RGS6: variants seen among roughly 807,000 people sequenced by gnomAD.
RGS6 encodes the protein regulator of G protein signaling 6.
RGS6 carries 30 observed loss-of-function variants against 78.5 expected under a neutral mutation model. The ratio of observed to expected loss-of-function variants is 0.38; its 90% CI spans 0.29 to 0.52. RGS6 has a LOEUF of 0.52. Among genes scored for constraint, RGS6 ranks in the 20% least tolerant of loss-of-function variants. The probability of loss-of-function intolerance (pLI) is 0.85; values close to 1 mark genes in which losing one functional copy is unlikely to be tolerated. For missense variants in RGS6, 495 were observed against 609.7 expected (o/e 0.81, Z 1.98); for synonymous variants, 206 against 206.0 (o/e 1.00, Z 0.00).
intron 3 of RGS6, among the ~76,000 whole-genome samples, chr14:72,388,841 T>C (rs1015946380): frequency 1.3e-5 from 2 of 152,204 alleles, no homozygotes; most frequent in Non-Finnish European, 2.9e-5. Flanking sequence ...CTATTCATAA[T>C]AGTATCTACT....
chr14:72,318,667 A>G (rs543117190), intron 2 of RGS6, among the ~76,000 whole-genome samples: 1 of 152,292 alleles, frequency 6.6e-6, no homozygotes, highest in South Asian at 2.1e-4. Flanking sequence ...CAAAGCAAGC[A>G]AAAAACACGT....
intron 12 of RGS6, among the ~76,000 whole-genome samples, chr14:72,482,291 A>C (rs2096397515): frequency 6.6e-6 from 1 of 152,096 alleles, no homozygotes; most frequent in Admixed American, 6.6e-5. Flanking sequence ...CCCCTTCCCT[A>C]AATGGCCCCA....
chr14:71,928,384 G>A (rs1426593949), upstream of RGS6, among the ~76,000 whole-genome samples: 5 of 152,194 alleles, frequency 3.3e-5, no homozygotes, highest in African/African-American at 4.8e-5. Flanking sequence ...ACATTTAAGA[G>A]TGAAAATAAG....
chr14:72,352,306 T>G (rs1358315652), intron 3 of RGS6, 112 bp downstream of exon 3: 3 of 686,448 alleles, frequency 4.4e-6, no homozygotes, highest in African/African-American at 3.7e-5. Flanking sequence ...AAATGAAACA[T>G]TCAGTGTGTT....
At chr14:72,486,553 A>T (rs1228865110) in intron 12 of RGS6, among the ~76,000 whole-genome samples, 1 of 152,178 alleles carries the variant, frequency 6.6e-6, no homozygotes, top group African/African-American at 2.4e-5. Flanking sequence ...TGCTTCACTC[A>T]GATTCCCAAG....
intron 3 of RGS6, among the ~76,000 whole-genome samples, chr14:72,389,720 G>A (rs1385340661): frequency 6.6e-6 from 1 of 152,130 alleles, no homozygotes; most frequent in Admixed American, 6.5e-5. Flanking sequence ...TTGTTTTCTA[G>A]TCATTTAGAC....
chr14:72,287,844 T>C (rs2062863480), intron 2 of RGS6, among the ~76,000 whole-genome samples: 1 of 152,246 alleles, frequency 6.6e-6, no homozygotes, highest in South Asian at 2.1e-4. Flanking sequence ...TCTGCATCTA[T>C]TGAGATGATT....
the RGS6 span, among the ~76,000 whole-genome samples, chr14:71,907,654 T>A: frequency 1.3e-5 from 2 of 151,976 alleles, no homozygotes; most frequent in Non-Finnish European, 2.9e-5. Context: ...GGGGAGATTG[T>A]TCTTAGTTAC....
At position 71,965,506 on chromosome 14, in the gene RGS6, G is replaced by A. The variant is rs144390065; in HGVS notation, c.84+631G>A. ...ACATACCAGGTGATGAGATGTTTCA[G>A]CAAGGGCACAGAGCTGAGGAAAGTA... On this transcript the variant is annotated intron_variant, in intron 2 of 17. Transcript: ENST00000553525. 6.9e-3 allele frequency among the ~76,000 whole-genome samples: 1,047 copies of A among 152,322 alleles called. 8 individuals carry two copies. Among genetic ancestry groups the A allele is most frequent in the African/African-American group, 0.024 (989 of 41,568 alleles).
chr14:72,285,959 A>T (rs961005867), intron 2 of RGS6, among the ~76,000 whole-genome samples: 1 of 152,160 alleles, frequency 6.6e-6, no homozygotes, highest in African/African-American at 2.4e-5. Flanking sequence ...CCCATTTCAT[A>T]GGCTGCCTTT....
At chr14:72,294,133 C>T (rs2064209189) in intron 2 of RGS6, among the ~76,000 whole-genome samples, 1 of 152,250 alleles carries the variant, frequency 6.6e-6, no homozygotes, top group African/African-American at 2.4e-5. Flanking sequence ...CATTTGTTCA[C>T]AGGCTGTCTC....
chr14:72,323,309 A>G (rs2072631396), intron 2 of RGS6, among the ~76,000 whole-genome samples: 1 of 152,138 alleles, frequency 6.6e-6, no homozygotes, highest in Non-Finnish European at 1.5e-5. Flanking sequence ...ATGTGCCCAA[A>G]TTACACAAAT....
At position 72,562,615 on chromosome 14, in the gene RGS6, G is replaced by A; in HGVS notation, c.*148G>A. ...GGGCAATGAAGGGCGATGGTGGGGA[G>A]ACTCGGTGGGTGAATGGGGAGACCA... is the stretch of plus-strand genomic sequence containing the variant. On this transcript the variant is annotated 3_prime_UTR_variant, in exon 18 of 18. Transcript: ENST00000553525. 6.5e-7 allele frequency: 1 copy of A among 1,533,036 alleles called. No homozygotes were observed. The highest frequency in any genetic ancestry group is 8.7e-7 in the Non-Finnish European group (1 of 1,144,964). 95.0% of individuals were successfully genotyped at this position (1,533,036 alleles called of 1,614,324 possible).
chr14:72,561,883 G>A (rs151138872), intron 17 of RGS6, among the ~76,000 whole-genome samples: 8 of 152,278 alleles, frequency 5.3e-5, no homozygotes, highest in Non-Finnish European at 1.0e-4. Context: ...CCCAGAACTG[G>A]TCATCAAGAG....
intron 2 of RGS6, among the ~76,000 whole-genome samples, chr14:72,169,598 T>C (rs1174208171): frequency 6.6e-6 from 1 of 152,238 alleles, no homozygotes; most frequent in Non-Finnish European, 1.5e-5. Context: ...CTGAAATCTC[T>C]TTAGTTTATT....
At chr14:72,609,000 C>T in the RGS6 span, among the ~76,000 whole-genome samples, 1 of 152,198 alleles carries the variant, frequency 6.6e-6, no homozygotes, top group Non-Finnish European at 1.5e-5. Flanking sequence ...CAAGTGAGGT[C>T]CTAACTATCC....
intron 2 of RGS6, among the ~76,000 whole-genome samples, chr14:72,159,264 C>T (rs931785932): frequency 4.6e-5 from 7 of 152,084 alleles, no homozygotes; most frequent in East Asian, 1.9e-4. Context: ...GAACATCTAT[C>T]GGTAAAGAAC....
intron 2 of RGS6, among the ~76,000 whole-genome samples, chr14:72,342,576 A>C (rs901376997): frequency 6.6e-6 from 1 of 150,504 alleles, no homozygotes; most frequent in Admixed American, 6.6e-5. Context: ...AAAAAAAAAA[A>C]AAAACTATCC....
intron 2 of RGS6, among the ~76,000 whole-genome samples, chr14:72,191,391 C>T (rs1171601822): frequency 6.6e-6 from 1 of 152,194 alleles, no homozygotes; most frequent in Non-Finnish European, 1.5e-5. Flanking sequence ...CTCCCTTGAC[C>T]TTCCATGTTG....
Sources: gnomAD v4.1 joint callset for allele counts (sites outside exome capture counted in the v4.1 genomes callset) on GRCh38, gnomAD v4.1.1 for gene constraint, MANE v1.5 for transcripts, NCBI Gene and HGNC (gene_info 2026-07-23, HGNC 2026-07-21) for gene names.